The following ATXN1 variants were observed in gnomAD, a reference collection of about 807,000 sequenced individuals.
The protein encoded by ATXN1 is ataxin 1.
In ATXN1, 8 loss-of-function variants were observed where a neutral mutation model predicts 56.4. The observed-to-expected ratio is 0.14, with a 90% CI of 0.08 to 0.26. ATXN1 has a LOEUF of 0.26. ATXN1 is among the 10% of genes least tolerant of loss of function. The probability of loss-of-function intolerance (pLI) is 1.00; values close to 1 mark genes in which losing one functional copy is unlikely to be tolerated. For missense variants in ATXN1, 987 were observed against 1,106.5 expected (o/e 0.89, Z 1.53); for synonymous variants, 514 against 494.6 (o/e 1.04, Z -0.52).
At chr6:16,492,331 G>A (rs1354625861) in intron 5 of ATXN1, among the ~76,000 whole-genome samples, 1 of 152,028 alleles carries the variant, frequency 6.6e-6, no homozygotes, top group East Asian at 1.9e-4. Context: ...GCTAGATGAC[G>A]AGTTAATGGG....
At chr6:16,693,918 A>G (rs1759101534) in intron 2 of ATXN1, among the ~76,000 whole-genome samples, 1 of 152,180 alleles carries the variant, frequency 6.6e-6, no homozygotes, top group Admixed American at 6.5e-5. Context: ...CTAGGGTAGG[A>G]AAAACTGGGA....
chr6:16,465,016 C>G (rs1760074985), intron 6 of ATXN1, among the ~76,000 whole-genome samples: 1 of 152,098 alleles, frequency 6.6e-6, no homozygotes, highest in Non-Finnish European at 1.5e-5. Flanking sequence ...TTTGTACTTT[C>G]AAATCAATTT....
At chr6:16,503,938 A>G (rs1318118896) in intron 5 of ATXN1, among the ~76,000 whole-genome samples, 1 of 152,162 alleles carries the variant, frequency 6.6e-6, no homozygotes, top group Admixed American at 6.5e-5. Flanking sequence ...TCCACCCCCC[A>G]AACTCTTCAT....
chr6:16,328,989 T>C lies in ATXN1; in HGVS notation c.-160-519A>G, dbSNP rs1382541019. 6.6e-6 allele frequency among the ~76,000 whole-genome samples: 1 copy of C among 152,006 alleles called. No individual in the cohort carries two copies. Among genetic ancestry groups the C allele is most frequent in the Admixed American group, 6.6e-5 (1 of 15,264 alleles). ...CACTAGCCGTGGCAGCTGCACATTA[T>C]AAAGGAAGATTATGAAGACACTGGG... is the stretch of plus-strand genomic sequence containing the variant. On this transcript the variant is annotated intron_variant, in intron 6 of 7. Coordinates refer to ENST00000436367, the MANE Select transcript of ATXN1 (RefSeq NM_001128164.2). This position sits in a 1 kb window ranked among gnomAD's most constrained non-coding sequence, Gnocchi z 6.2.
intron 7 of ATXN1, among the ~76,000 whole-genome samples, chr6:16,316,892 T>TTTTTTTA (rs1395125170): frequency 2.3e-5 from 3 of 129,534 alleles, no homozygotes; most frequent in Admixed American, 1.7e-4. Flanking sequence ...TTTTTTTTTT[T>TTTTTTTA]AACCAGCCAG....
At chr6:16,682,555 T>TC (rs1016817314) in intron 2 of ATXN1, among the ~76,000 whole-genome samples, 1 of 152,088 alleles carries the variant, frequency 6.6e-6, no homozygotes, top group African/African-American at 2.4e-5. Flanking sequence ...CCATTCAAAG[T>TC]CCTAAAGAAC....
intron 5 of ATXN1, among the ~76,000 whole-genome samples, chr6:16,489,805 A>G (rs1395489533): frequency 6.6e-6 from 1 of 152,164 alleles, no homozygotes; most frequent in Non-Finnish European, 1.5e-5. Context: ...GCGAAAGAAC[A>G]AGACTCCGAC....
chr6:16,730,963 G>A (rs532248079), intron 2 of ATXN1, among the ~76,000 whole-genome samples: 1 of 152,122 alleles, frequency 6.6e-6, no homozygotes, highest in Non-Finnish European at 1.5e-5. Context: ...TTTAAAAGTA[G>A]CTCATATTGA....
At position 16,364,242 on chromosome 6, in the gene ATXN1, A is replaced by G. The variant is rs186942514; in HGVS notation, c.-160-35772T>C. Among the ~76,000 whole-genome samples, 124 of 152,158 alleles carry G rather than the reference A, an allele frequency of 8.1e-4. 3 individuals carry two copies. Among genetic ancestry groups the G allele is most frequent in the Non-Finnish European group, 1.6e-4 (11 of 67,998 alleles). On this transcript the variant is annotated intron_variant, in intron 6 of 7. Coordinates refer to ENST00000436367, the MANE Select transcript of ATXN1 (RefSeq NM_001128164.2). ...TCATTTACAGAAAATAATTCCCCAA[A>G]CTGAATTGCCTGAATTTGACTAAGT...
At chr6:16,648,071 A>G (rs1241395514) in intron 3 of ATXN1, among the ~76,000 whole-genome samples, 5 of 152,194 alleles carry the variant, frequency 3.3e-5, no homozygotes, top group Non-Finnish European at 7.3e-5. Flanking sequence ...ACGAAACTCC[A>G]TCTCAAAAAC....
At chr6:16,549,087 C>A (rs1761868230) in intron 4 of ATXN1, among the ~76,000 whole-genome samples, 1 of 152,126 alleles carries the variant, frequency 6.6e-6, no homozygotes, top group Admixed American at 6.5e-5. Flanking sequence ...CTGTCATCTC[C>A]TATGACAACA....
chr6:16,503,248 T>C (rs191630308), intron 5 of ATXN1, among the ~76,000 whole-genome samples: 7 of 152,128 alleles, frequency 4.6e-5, no homozygotes, highest in African/African-American at 9.7e-5. Context: ...AGGGCAGAGG[T>C]TGGGAGACTG....
At chr6:16,421,352 A>G (rs965867617) in intron 6 of ATXN1, among the ~76,000 whole-genome samples, 2 of 152,008 alleles carry the variant, frequency 1.3e-5, no homozygotes, top group African/African-American at 4.8e-5. Flanking sequence ...GAAAAAAAAA[A>G]GAATGAAATC....
intron 3 of ATXN1, among the ~76,000 whole-genome samples, chr6:16,604,531 A>G: frequency 6.6e-6 from 1 of 151,760 alleles, no homozygotes; most frequent in Admixed American, 6.6e-5. Context: ...AAAGAAATAA[A>G]GAAAATGTCT....
intron 5 of ATXN1, among the ~76,000 whole-genome samples, chr6:16,503,329 G>A (rs1760918831): frequency 6.6e-6 from 1 of 152,122 alleles, no homozygotes; most frequent in African/African-American, 2.4e-5. Flanking sequence ...TCCTTAACAT[G>A]GCCTATGAGA....
At chr6:16,346,447 A>G (rs1191384794) in intron 6 of ATXN1, among the ~76,000 whole-genome samples, 3 of 152,158 alleles carry the variant, frequency 2.0e-5, no homozygotes, top group Admixed American at 2.0e-4. Context: ...CATGCAGTGG[A>G]AGAGAGGTTA....
chr6:16,372,938 C>T (rs4590274), intron 6 of ATXN1, among the ~76,000 whole-genome samples: 4,485 of 16,922 alleles, frequency 0.27, 233 homozygotes, highest in African/African-American at 0.49. Flanking sequence ...AATAAATAAA[C>T]AAACAAACAA....
chr6:16,607,129 C>A (rs1028570313), intron 3 of ATXN1, among the ~76,000 whole-genome samples: 2 of 152,184 alleles, frequency 1.3e-5, no homozygotes, highest in Non-Finnish European at 2.9e-5. Context: ...CCGCCTTGGC[C>A]TCCCAAAGTG....
chr6:16,579,583 G>A (rs182919), intron 4 of ATXN1, among the ~76,000 whole-genome samples: 4,125 of 148,964 alleles, frequency 0.028, 169 homozygotes, highest in African/African-American at 0.095. Context: ...TCACATCTCC[G>A]TCAGTCAAGT....
Sources: gnomAD v4.1 joint callset for allele counts (sites outside exome capture counted in the v4.1 genomes callset) on GRCh38, gnomAD v4.1.1 for gene constraint, Gnocchi (gnomAD v3.1) non-coding constraint, MANE v1.5 for transcripts, NCBI Gene and HGNC (gene_info 2026-07-23, HGNC 2026-07-21) for gene names.